MAML2: variants seen among roughly 807,000 people sequenced by gnomAD.
The protein encoded by MAML2 is mastermind-like protein 2.
MAML2 carries 22 observed loss-of-function variants against 96.1 expected under a neutral mutation model. The ratio of observed to expected loss-of-function variants is 0.23; its 90% CI spans 0.16 to 0.33. The LOEUF is 0.33. MAML2 is among the 10% of genes least tolerant of loss of function. The pLI is 1.00. For missense variants in MAML2, 1,367 were observed against 1,392.4 expected (o/e 0.98, Z 0.29); for synonymous variants, 561 against 521.3 (o/e 1.08, Z -1.04).
intron 1 of MAML2, among the ~76,000 whole-genome samples, chr11:96,174,718 C>A (rs1000440308): frequency 2.6e-5 from 4 of 152,192 alleles, no homozygotes; most frequent in African/African-American, 9.7e-5. Flanking sequence ...TACCCACAAG[C>A]CCAAGTGAAA....
At chr11:96,002,287 A>AAAAATG (rs1270394607) in intron 2 of MAML2, among the ~76,000 whole-genome samples, 2 of 152,208 alleles carry the variant, frequency 1.3e-5, no homozygotes, top group Non-Finnish European at 2.9e-5. Flanking sequence ...ATGTGAAGGA[A>AAAAATG]AAAATGAGGA....
At chr11:96,056,184 G>A (rs1859064307) in intron 2 of MAML2, among the ~76,000 whole-genome samples, 1 of 152,114 alleles carries the variant, frequency 6.6e-6, no homozygotes, top group South Asian at 2.1e-4. Flanking sequence ...GTTCTAACAG[G>A]GCATCCCTGC....
At chr11:96,186,105 A>T (rs1043043924) in intron 1 of MAML2, among the ~76,000 whole-genome samples, 1 of 152,216 alleles carries the variant, frequency 6.6e-6, no homozygotes, top group South Asian at 2.1e-4. Flanking sequence ...AGCATAGTTT[A>T]CTTTCTTACT....
At chr11:96,077,870 A>G (rs1041190922) in intron 2 of MAML2, among the ~76,000 whole-genome samples, 1 of 152,180 alleles carries the variant, frequency 6.6e-6, no homozygotes, top group Admixed American at 6.5e-5. Context: ...AATAAACAAA[A>G]TTCAGTCCCT....
At chr11:96,136,206 T>C (rs1860628927) in intron 1 of MAML2, among the ~76,000 whole-genome samples, 4 of 152,182 alleles carry the variant, frequency 2.6e-5, no homozygotes, top group Admixed American at 2.6e-4. Flanking sequence ...TTATCTAAAC[T>C]TTTCCCACTT....
intron 1 of MAML2, among the ~76,000 whole-genome samples, chr11:96,240,544 C>T (rs1311890109): frequency 3.1e-5 from 2 of 64,462 alleles, no homozygotes; most frequent in Non-Finnish European, 6.1e-5. Context: ...GGCGACAGAG[C>T]GAGACTCCGT....
chr11:96,276,864 A>ATAGTG (rs1383817078), intron 1 of MAML2, among the ~76,000 whole-genome samples: 1 of 147,914 alleles, frequency 6.8e-6, no homozygotes, highest in Non-Finnish European at 1.5e-5. Flanking sequence ...CTGTGCAGTT[A>ATAGTG]TAGTGGAAAC....
At chr11:95,981,705 A>G (rs1001268427) in intron 4 of MAML2, among the ~76,000 whole-genome samples, 8 of 152,214 alleles carry the variant, frequency 5.3e-5, no homozygotes, top group South Asian at 2.1e-4. Context: ...ATGAAGAGAC[A>G]TAACAGCCAG....
chr11:96,304,953 C>A (rs978409656), intron 1 of MAML2, among the ~76,000 whole-genome samples: 6 of 152,200 alleles, frequency 3.9e-5, no homozygotes, highest in Non-Finnish European at 8.8e-5. Context: ...ATTCTCTTGA[C>A]TGAGAATAAC....
chr11:96,093,725 T>A (rs1317963586), intron 1 of MAML2, among the ~76,000 whole-genome samples: 3 of 152,154 alleles, frequency 2.0e-5, no homozygotes, highest in African/African-American at 7.2e-5. Context: ...AATAAAATAT[T>A]TCTGGAGGAG....
At chr11:96,288,649 T>C (rs1863171572) in intron 1 of MAML2, among the ~76,000 whole-genome samples, 1 of 152,198 alleles carries the variant, frequency 6.6e-6, no homozygotes, top group Admixed American at 6.5e-5. Context: ...CCATTATTAT[T>C]CACGTAATAT....
chr11:96,013,470 C>T (rs1473175177), intron 2 of MAML2, among the ~76,000 whole-genome samples: 1 of 151,988 alleles, frequency 6.6e-6, no homozygotes, highest in Admixed American at 6.5e-5. Flanking sequence ...AAGCAAAGTA[C>T]TGGGTAGAGA....
chr11:96,274,263 T>G (rs984952503), intron 1 of MAML2, among the ~76,000 whole-genome samples: 1 of 152,064 alleles, frequency 6.6e-6, no homozygotes, highest in African/African-American at 2.4e-5. Flanking sequence ...TTTTGTATTT[T>G]TAGTAGAGAC....
At chr11:96,020,987 A>C (rs1858426574) in intron 2 of MAML2, among the ~76,000 whole-genome samples, 1 of 152,216 alleles carries the variant, frequency 6.6e-6, no homozygotes, top group Non-Finnish European at 1.5e-5. Context: ...TAGGGGATAA[A>C]TAGTGCTAGG....
chr11:96,110,183 G>A (rs1860093755), intron 1 of MAML2, among the ~76,000 whole-genome samples: 1 of 151,970 alleles, frequency 6.6e-6, no homozygotes, highest in African/African-American at 2.4e-5. Context: ...AGGAGTGGAT[G>A]GAAGGTAAAA....
At chr11:96,047,935 GAAAA>G (rs1858932257) in intron 2 of MAML2, among the ~76,000 whole-genome samples, 3 of 120,676 alleles carry the variant, frequency 2.5e-5, no homozygotes, top group African/African-American at 9.1e-5. Flanking sequence ...AAAAAAAAAA[GAAAA>G]AAGAGAGAGA....
At chr11:96,164,239 G>T (rs1194746082) in intron 1 of MAML2, among the ~76,000 whole-genome samples, 1 of 152,082 alleles carries the variant, frequency 6.6e-6, no homozygotes, top group Non-Finnish European at 1.5e-5. Context: ...ATTGCCTTCT[G>T]GTTATGGGTC....
At chr11:96,109,556 C>T (rs1860084667) in intron 1 of MAML2, among the ~76,000 whole-genome samples, 1 of 152,034 alleles carries the variant, frequency 6.6e-6, no homozygotes, top group South Asian at 2.1e-4. Flanking sequence ...GAACCAGAAA[C>T]CAAACAAAGT....
intron 1 of MAML2, among the ~76,000 whole-genome samples, chr11:96,215,077 T>G (rs1178875898): frequency 6.6e-6 from 1 of 152,246 alleles, no homozygotes; most frequent in Non-Finnish European, 1.5e-5. Context: ...TTTCTTGCAC[T>G]AGGAATATGG....
Sources: gnomAD v4.1 joint callset for allele counts (sites outside exome capture counted in the v4.1 genomes callset) on GRCh38, gnomAD v4.1.1 for gene constraint, MANE v1.5 for transcripts, NCBI Gene and HGNC (gene_info 2026-07-23, HGNC 2026-07-21) for gene names.